The following FRMPD4 variants were observed in gnomAD, a reference collection of about 807,000 sequenced individuals.
FRMPD4 encodes the protein FERM and PDZ domain-containing protein 4.
In FRMPD4, 22 loss-of-function variants were observed where a neutral mutation model predicts 94.1. The observed-to-expected ratio is 0.23, with a 90% CI of 0.17 to 0.33. The LOEUF is 0.33. FRMPD4 is among the 10% of genes least tolerant of loss of function. The pLI is 1.00. For missense variants in FRMPD4, 1,111 were observed against 1,339.9 expected, an observed-to-expected ratio of 0.83 and a Z score of 2.67; for synonymous variants, 631 against 548.6, an observed-to-expected ratio of 1.15 and a Z score of -2.10.
intron 1 of FRMPD4, among the ~76,000 whole-genome samples, chrX:11,852,703 C>T (rs778585355): frequency 2.2e-4 from 24 of 110,805 alleles, no homozygotes; most frequent in Non-Finnish European, 4.0e-4. Flanking sequence ...AACAAGAAGA[C>T]CTAAAAATCC....
chrX:12,152,923 ATTTTT>A (rs11432329), intron 1 of FRMPD4, among the ~76,000 whole-genome samples: 1 of 75,755 alleles, frequency 1.3e-5, no homozygotes, highest in Non-Finnish European at 2.4e-5. Context: ...AAGCTTATAC[ATTTTT>A]TTTTTTTTTT....
intron 1 of FRMPD4, among the ~76,000 whole-genome samples, chrX:12,398,045 T>A (rs2056565710): frequency 9.0e-6 from 1 of 111,439 alleles, no homozygotes; most frequent in Non-Finnish European, 1.9e-5. Context: ...TTTCTCCTTA[T>A]AAGTTAGGTA....
intron 1 of FRMPD4, among the ~76,000 whole-genome samples, chrX:12,393,068 G>C (rs1186614359): frequency 1.8e-5 from 2 of 112,561 alleles, no homozygotes; most frequent in Non-Finnish European, 3.8e-5. Context: ...GGCAGGGACT[G>C]CAAATCCAGT....
At position 12,718,545 on chromosome X, in the gene FRMPD4, G is replaced by C; in HGVS notation, c.3719G>C (p.Cys1240Ser). ...ACATPVESPL[C>S]PSLGKHLIPD... ...GCCACACCCGTGGAGTCGCCGCTCT[G>C]CCCCTCCCTGGGGAAGCACTTGATT... The change falls in exon 16 of 17, where the codon TGC (cysteine) becomes TCC (serine). Residue 1240 changes from cysteine to serine, a missense_variant. Physicochemically the swap from Cys to Ser is moderately radical, Grantham distance 112. Coordinates refer to ENST00000675598, the MANE Select transcript of FRMPD4 (RefSeq NM_001368397.1). The C allele has an allele frequency of 8.3e-7, 1 of 1,203,556 alleles. No individual in the cohort carries two copies. The highest frequency in any genetic ancestry group is 1.1e-6 in the Non-Finnish European group (1 of 887,896).
chrX:12,682,883 C>A (rs1208390806), intron 5 of FRMPD4, among the ~76,000 whole-genome samples: 1 of 111,595 alleles, frequency 9.0e-6, no homozygotes, highest in African/African-American at 3.3e-5. Context: ...TCGTCTCTAC[C>A]CTGCCCAGTA....
intron 1 of FRMPD4, among the ~76,000 whole-genome samples, chrX:12,218,795 T>C (rs773146852): frequency 8.9e-6 from 1 of 112,308 alleles, no homozygotes; most frequent in Non-Finnish European, 1.9e-5. Context: ...GCCATTGCAG[T>C]TGGGGGCCTG....
At chrX:12,448,226 T>C (rs1387975823) in intron 1 of FRMPD4, among the ~76,000 whole-genome samples, 3 of 112,303 alleles carry the variant, frequency 2.7e-5, no homozygotes, top group African/African-American at 9.7e-5. Flanking sequence ...ATAAATGAAA[T>C]GATCTATGCA....
At chrX:12,617,273 T>C (rs1414173672) in intron 4 of FRMPD4, among the ~76,000 whole-genome samples, 2 of 112,348 alleles carry the variant, frequency 1.8e-5, no homozygotes, top group Non-Finnish European at 3.8e-5. Context: ...TTGTGACACA[T>C]GGAAATCATA....
intron 1 of FRMPD4, among the ~76,000 whole-genome samples, chrX:12,287,711 G>GTTGGAGAT (rs1365257175): frequency 8.9e-6 from 1 of 111,807 alleles, no homozygotes; most frequent in African/African-American, 3.3e-5. Context: ...TCTGAGTTTT[G>GTTGGAGAT]TTGGAGATCA....
At chrX:11,850,652 A>C (rs907057063) in intron 1 of FRMPD4, among the ~76,000 whole-genome samples, 4 of 112,370 alleles carry the variant, frequency 3.6e-5, no homozygotes, top group African/African-American at 1.3e-4. Context: ...ACATGATACA[A>C]CATGGATAAA....
At chrX:11,914,077 C>T (rs903829155) in intron 3 of FRMPD4, among the ~76,000 whole-genome samples, 2 of 112,018 alleles carry the variant, frequency 1.8e-5, no homozygotes, top group African/African-American at 6.5e-5. Context: ...TAGTCTAAAA[C>T]TCCCTCTGTA....
intron 11 of FRMPD4, among the ~76,000 whole-genome samples, chrX:12,705,448 A>G (rs2041858505): frequency 9.0e-6 from 1 of 111,560 alleles, no homozygotes; most frequent in Admixed American, 9.5e-5. Context: ...GTGGAGAACC[A>G]TTTTGTCTTA....
At chrX:12,248,280 A>G (rs1238827074) in intron 1 of FRMPD4, among the ~76,000 whole-genome samples, 1 of 112,479 alleles carries the variant, frequency 8.9e-6, no homozygotes, top group Non-Finnish European at 1.9e-5. Context: ...CTCGACTTAT[A>G]GGAGATGACA....
chrX:11,957,928 G>T (rs1274013107), intron 3 of FRMPD4, among the ~76,000 whole-genome samples: 1 of 111,893 alleles, frequency 8.9e-6, no homozygotes, highest in African/African-American at 3.3e-5. Context: ...TCCTGGCCTT[G>T]GGATAATTTT....
chrX:12,120,055 G>T (rs2055442010), intron 3 of FRMPD4, among the ~76,000 whole-genome samples: 1 of 112,491 alleles, frequency 8.9e-6, no homozygotes, highest in Non-Finnish European at 1.9e-5. Context: ...AGTCAAAGAA[G>T]CAGCAGTAGT....
intron 5 of FRMPD4, among the ~76,000 whole-genome samples, chrX:12,681,525 A>G (rs2059971625): frequency 1.8e-5 from 2 of 111,604 alleles, no homozygotes; most frequent in Admixed American, 1.9e-4. Context: ...GACGGCAGCC[A>G]TTCTCTTAAA....
At chrX:11,920,977 C>G (rs1490236317) in intron 3 of FRMPD4, among the ~76,000 whole-genome samples, 1 of 112,308 alleles carries the variant, frequency 8.9e-6, no homozygotes, top group East Asian at 2.8e-4. Context: ...ACTGCTTTAG[C>G]AAGCATTCCC....
At chrX:12,678,820 T>C (rs111887275) in intron 5 of FRMPD4, among the ~76,000 whole-genome samples, 1 of 112,314 alleles carries the variant, frequency 8.9e-6, no homozygotes, top group African/African-American at 3.2e-5. Context: ...AGTGAAACTC[T>C]GTCTCAAAAA....
chrX:11,881,689 C>G, intron 3 of FRMPD4, among the ~76,000 whole-genome samples: 1 of 111,789 alleles, frequency 8.9e-6, no homozygotes, highest in Non-Finnish European at 1.9e-5. Flanking sequence ...TATTCTGTAT[C>G]TTGATTGTAG....
Sources: gnomAD v4.1 joint callset for allele counts (sites outside exome capture counted in the v4.1 genomes callset) on GRCh38, gnomAD v4.1.1 for gene constraint, MANE v1.5 for transcripts, NCBI Gene and HGNC (gene_info 2026-07-23, HGNC 2026-07-21) for gene names.